Variants in TRHDE observed in about 807,000 individuals in gnomAD.
TRHDE encodes the protein thyrotropin-releasing hormone-degrading ectoenzyme.
A neutral mutation model predicts 125.7 loss-of-function variants in TRHDE; 72 were observed. That is an observed-to-expected ratio of 0.57 (90% confidence interval 0.47 to 0.70). TRHDE has a LOEUF of 0.70. TRHDE is among the 30% of genes least tolerant of loss of function. The pLI, the probability that TRHDE is intolerant of heterozygous loss-of-function variation, is 0.00. For synonymous variants in TRHDE, 509 were observed against 509.1 expected, an observed-to-expected ratio of 1.00 and a Z score of 0.00; for missense variants, 1,110 against 1,327.1, an observed-to-expected ratio of 0.84 and a Z score of 2.54.
chr12:72,431,433 TG>T (rs1216991398), intron 3 of TRHDE, among the ~76,000 whole-genome samples: 1 of 152,174 alleles, frequency 6.6e-6, no homozygotes, highest in Admixed American at 6.5e-5. Flanking sequence ...GTTGAACTGC[TG>T]AAACTTGATC....
chr12:72,486,353 T>C (rs1877406889), intron 5 of TRHDE, among the ~76,000 whole-genome samples: 1 of 152,166 alleles, frequency 6.6e-6, no homozygotes, highest in African/African-American at 2.4e-5. Flanking sequence ...TCACCTGTGC[T>C]TTGACTCCAA....
At chr12:72,519,955 G>A (rs1879097081) in intron 6 of TRHDE, among the ~76,000 whole-genome samples, 1 of 152,130 alleles carries the variant, frequency 6.6e-6, no homozygotes, top group African/African-American at 2.4e-5. Context: ...GGCTGTTTGG[G>A]GGTCAGGGGT....
At chr12:72,337,481 A>G (rs1869879993) in intron 2 of TRHDE, among the ~76,000 whole-genome samples, 1 of 152,166 alleles carries the variant, frequency 6.6e-6, no homozygotes, top group Non-Finnish European at 1.5e-5. Context: ...CCTTCTTCAG[A>G]GACAGCGAGT....
At chr12:72,168,843 C>G (rs114453232) in intron 2 of TRHDE, among the ~76,000 whole-genome samples, 350 of 152,248 alleles carry the variant, frequency 2.3e-3, no homozygotes, top group African/African-American at 8.1e-3. Flanking sequence ...AAATGTTCTG[C>G]TCTAAGGTTA....
At chr12:72,164,761 C>A (rs1269583189) in intron 2 of TRHDE, among the ~76,000 whole-genome samples, 2 of 152,200 alleles carry the variant, frequency 1.3e-5, no homozygotes, top group African/African-American at 4.8e-5. Flanking sequence ...CTGACCTCCA[C>A]CTGGCAACCC....
chr12:72,667,642 G>T lies in TRHDE; in HGVS notation c.*4447G>T, dbSNP rs1875155189. 1 of 151,592 alleles carries T rather than the reference G, an allele frequency of 6.6e-6. No individual in the cohort carries two copies. The highest frequency in any genetic ancestry group is 2.4e-5 in the African/African-American group (1 of 41,374). The allele number at this position is 151,592 out of a possible 1,614,324, so 9.4% of individuals were successfully genotyped here. ...CAGACGGGAAGTCAATCATTTTTAG[G>T]TATACATAATATTATACAACTATTT... On this transcript the variant is annotated 3_prime_UTR_variant, in exon 19 of 19. Coordinates refer to ENST00000261180, the MANE Select transcript of TRHDE (RefSeq NM_013381.3).
chr12:72,127,565 G>A (rs1236378606), intron 2 of TRHDE, among the ~76,000 whole-genome samples: 1 of 152,078 alleles, frequency 6.6e-6, no homozygotes, highest in African/African-American at 2.4e-5. Context: ...GCATTATCCT[G>A]AGCAAATTAA....
chr12:72,439,494 T>C (rs1245044234), intron 3 of TRHDE, among the ~76,000 whole-genome samples: 1 of 151,852 alleles, frequency 6.6e-6, no homozygotes, highest in Non-Finnish European at 1.5e-5. Flanking sequence ...GTTTTCAGTG[T>C]GAAGATCTTT....
At chr12:72,434,115 T>C (rs1484711615) in intron 3 of TRHDE, among the ~76,000 whole-genome samples, 1 of 152,162 alleles carries the variant, frequency 6.6e-6, no homozygotes, top group African/African-American at 2.4e-5. Context: ...CCAGGCACAG[T>C]GGCTCACGCC....
At chr12:72,391,521 T>C (rs952302518) in intron 3 of TRHDE, among the ~76,000 whole-genome samples, 18 of 152,218 alleles carry the variant, frequency 1.2e-4, no homozygotes, top group African/African-American at 3.9e-4. Flanking sequence ...ATGGGTTCTG[T>C]CTTCGTATGG....
chr12:72,311,024 G>T (rs918486718), intron 2 of TRHDE, among the ~76,000 whole-genome samples: 2 of 151,876 alleles, frequency 1.3e-5, no homozygotes, highest in African/African-American at 4.8e-5. Context: ...TGGTGTATAC[G>T]TTATATACAA....
intron 6 of TRHDE, among the ~76,000 whole-genome samples, chr12:72,528,686 A>G (rs1436663819): frequency 1.3e-5 from 2 of 151,840 alleles, no homozygotes; most frequent in Non-Finnish European, 2.9e-5. Context: ...ACGGGGTTTC[A>G]CCATGTTGTT....
intron 3 of TRHDE, among the ~76,000 whole-genome samples, chr12:72,412,726 G>A (rs2135816641): frequency 6.6e-6 from 1 of 152,148 alleles, no homozygotes; most frequent in East Asian, 1.9e-4. Context: ...ACATGAATGA[G>A]CTATATCTAA....
At chr12:72,395,433 T>C (rs1450685980) in intron 3 of TRHDE, among the ~76,000 whole-genome samples, 1 of 152,068 alleles carries the variant, frequency 6.6e-6, no homozygotes, top group African/African-American at 2.4e-5. Context: ...ATTTCAAACA[T>C]CCTACTCTGC....
At chr12:72,369,385 C>T (rs962615537) in intron 2 of TRHDE, among the ~76,000 whole-genome samples, 9 of 151,946 alleles carry the variant, frequency 5.9e-5, no homozygotes, top group Non-Finnish European at 1.3e-4. Flanking sequence ...GTCAGGAAAG[C>T]AAAGAAGAAT....
chr12:72,423,078 A>C (rs979189578), intron 3 of TRHDE, among the ~76,000 whole-genome samples: 1 of 152,166 alleles, frequency 6.6e-6, no homozygotes, highest in Non-Finnish European at 1.5e-5. Context: ...TTCTTTTAGA[A>C]TCCAAACTTA....
At chr12:72,235,838 TTGGCCAAAGCAAGTC>T (rs1878329237) in intron 2 of TRHDE, among the ~76,000 whole-genome samples, 1 of 152,192 alleles carries the variant, frequency 6.6e-6, no homozygotes, top group African/African-American at 2.4e-5. Context: ...TAACATGCCA[TTGGCCAAAGCAAGTC>T]TGGCCAATGG....
At chr12:72,616,813 C>T (rs1872834439) in intron 12 of TRHDE, among the ~76,000 whole-genome samples, 1 of 151,922 alleles carries the variant, frequency 6.6e-6, no homozygotes, top group Non-Finnish European at 1.5e-5. Context: ...CTAAATAAAT[C>T]TTCAACATTA....
At chr12:72,232,204 G>A (rs575844449) in intron 2 of TRHDE, among the ~76,000 whole-genome samples, 1 of 152,286 alleles carries the variant, frequency 6.6e-6, no homozygotes, top group Non-Finnish European at 1.5e-5. Context: ...ATCAAGGGCA[G>A]GCACAGACAG....
Sources: allele counts gnomAD v4.1 joint callset (sites outside exome capture counted in the v4.1 genomes callset), GRCh38; gene constraint gnomAD v4.1.1; transcripts MANE v1.5; gene names NCBI Gene and HGNC (gene_info 2026-07-23, HGNC 2026-07-21).